The following FADS2 variants were observed in gnomAD, a reference collection of about 807,000 sequenced individuals.
FADS2 encodes fatty acid desaturase 2.
Under a neutral mutation model 61.2 loss-of-function variants are expected in FADS2, and 18 were observed. The observed-to-expected ratio is 0.29, with a 90% confidence interval of 0.20 to 0.44. The LOEUF (loss-of-function observed/expected upper bound fraction) is 0.44, where lower values mean the gene tolerates loss of function less well. Among genes scored for constraint, FADS2 ranks in the 20% least tolerant of loss-of-function variants. The probability of loss-of-function intolerance (pLI) is 1.00; values close to 1 mark genes in which losing one functional copy is unlikely to be tolerated. For missense variants in FADS2, 322 were observed against 572.7 expected (o/e 0.56, Z 4.47); for synonymous variants, 203 against 223.9 (o/e 0.91, Z 0.83).
At chr11:61,856,154 C>G (rs1298189259) in intron 5 of FADS2, 1 of 152,326 alleles carries the variant, frequency 6.6e-6, no homozygotes, top group Non-Finnish European at 1.5e-5. Context: ...CCTGGAAGTG[C>G]AGGGTGGGCT....
At chr11:61,821,420 C>T (rs1368707328) in intron 1 of FADS2, 2 of 701,878 alleles carry the variant, frequency 2.8e-6, no homozygotes, top group South Asian at 1.5e-5. Context: ...TGTAATGAAG[C>T]CATAATTGAA....
At chr11:61,862,614 G>A (rs1048428974) in intron 7 of FADS2, 3 of 293,592 alleles carry the variant, frequency 1.0e-5, no homozygotes, top group Admixed American at 4.7e-5. Flanking sequence ...ACTGGGGGAC[G>A]GTTGGGGACC....
At chr11:61,830,260 C>T (rs574731955) in intron 1 of FADS2, among the ~76,000 whole-genome samples, 5 of 152,292 alleles carry the variant, frequency 3.3e-5, no homozygotes, top group African/African-American at 1.2e-4. Flanking sequence ...CAGGCCCTCA[C>T]CAAAAAGTTT....
intron 5 of FADS2, among the ~76,000 whole-genome samples, chr11:61,851,660 G>A (rs745729238): frequency 2.0e-5 from 3 of 152,206 alleles, no homozygotes; most frequent in Non-Finnish European, 2.9e-5. Flanking sequence ...CAGGTGGGGC[G>A]GCCAGGTCCC....
At chr11:61,849,146 C>T (rs1180884981) in intron 5 of FADS2, among the ~76,000 whole-genome samples, 8 of 152,208 alleles carry the variant, frequency 5.3e-5, no homozygotes, top group South Asian at 4.1e-4. Flanking sequence ...CTGCCTGCCT[C>T]GGCTTCCCAA....
upstream of FADS2, among the ~76,000 whole-genome samples, chr11:61,825,050 G>A (rs554021752): frequency 4.2e-3 from 645 of 151,980 alleles, 2 homozygotes; most frequent in Non-Finnish European, 5.5e-3. Context: ...AATTATCTGG[G>A]CATGGTGCCA....
At chr11:61,859,010 T>C (rs1162873150) in intron 7 of FADS2, among the ~76,000 whole-genome samples, 1 of 152,264 alleles carries the variant, frequency 6.6e-6, no homozygotes, top group Non-Finnish European at 1.5e-5. Flanking sequence ...GGGGAAGTTT[T>C]TCCTCTCTTA....
rs1158083800 is a variant in FADS2, at chr11:61,828,558, C to G, written c.168C>G (p.Gly56=). 1.2e-6 allele frequency: 2 copies of G among 1,613,828 alleles called. No homozygotes were observed. Among genetic ancestry groups the G allele is most frequent in the East Asian group, 2.2e-5 (1 of 44,878 alleles). Residue 56 remains glycine, a synonymous_variant, in exon 1 of 12, where the codon GGC becomes GGG. Coordinates refer to ENST00000278840, the MANE Select transcript of FADS2 (RefSeq NM_004265.4). This position sits in a 1 kb window ranked among gnomAD's most constrained non-coding sequence, Gnocchi z 6.4. ...AATGGTCCATCCAGCACCCGGGGGG[C>G]CAGCGGGTCATCGGGCACTACGCTG... The part of the protein sequence containing the change: ...ITKWSIQHPG[G]QRVIGHYAGE...
At position 61,865,387 on chromosome 11, in the gene FADS2, T is replaced by A. The variant is rs572971280; in HGVS notation, c.1283+110T>A. On this transcript the variant is annotated intron_variant, in intron 11 of 11. Coordinates refer to ENST00000278840, the MANE Select transcript of FADS2 (RefSeq NM_004265.4). The surrounding 1 kb of genome is among the most constrained non-coding windows in gnomAD (Gnocchi z 4.1). ...TGGCACAGTCACCCACCAGGGCACC[T>A]GCCTTACTCCCGAGCCTGTGTTAGG... The A allele has an allele frequency of 1.5e-3, 2,113 of 1,366,018 alleles. 8 individuals carry two copies. Among genetic ancestry groups the A allele is most frequent in the Non-Finnish European group, 2.0e-3 (1,968 of 1,003,602 alleles). 84.6% of individuals were successfully genotyped at this position (1,366,018 alleles called of 1,614,324 possible). A position where few individuals can be genotyped will look rare whatever the true frequency, so the allele number is the denominator to read the frequency against.
chr11:61,852,725 A>G (rs1174298828), intron 5 of FADS2, among the ~76,000 whole-genome samples: 1 of 152,056 alleles, frequency 6.6e-6, no homozygotes, highest in East Asian at 1.9e-4. Context: ...TTTTGTTTGC[A>G]TGGCCTTCCA....
At chr11:61,846,716 T>C (rs2067263250) in intron 4 of FADS2, 1 of 152,156 alleles carries the variant, frequency 6.6e-6, no homozygotes, top group Non-Finnish European at 1.5e-5. Context: ...TCGAGGGCCA[T>C]AACTCTGAGC....
chr11:61,839,170 ACTCACAG>A (rs2067198318), intron 2 of FADS2, among the ~76,000 whole-genome samples: 1 of 150,406 alleles, frequency 6.6e-6, no homozygotes, highest in South Asian at 2.1e-4. Flanking sequence ...TGTGCCCGGG[ACTCACAG>A]CCCCCTCCTG....
At chr11:61,855,374 T>TGCAGGCCCCGAGACTGGCCACC (rs1378863029) in intron 5 of FADS2, 2 of 152,264 alleles carry the variant, frequency 1.3e-5, no homozygotes, top group African/African-American at 2.4e-5. Flanking sequence ...TGTGGGCCAC[T>TGCAGGCCCCGAGACTGGCCACC]GCAGGCCCCG....
chr11:61,820,693 A>C (rs1017689093), intron 1 of FADS2, among the ~76,000 whole-genome samples: 2 of 152,086 alleles, frequency 1.3e-5, no homozygotes, highest in Non-Finnish European at 2.9e-5. Flanking sequence ...TGAGGTCAGG[A>C]GCTCCAGACC....
chr11:61,850,474 C>T (rs1445434951), intron 5 of FADS2, among the ~76,000 whole-genome samples: 2 of 152,128 alleles, frequency 1.3e-5, no homozygotes, highest in African/African-American at 4.8e-5. Flanking sequence ...TGGTCTTGAA[C>T]TCCTGACTTC....
chr11:61,824,753 A>G (rs2067069145), upstream of FADS2, among the ~76,000 whole-genome samples: 1 of 152,112 alleles, frequency 6.6e-6, no homozygotes, highest in African/African-American at 2.4e-5. Flanking sequence ...ACAGTGGCCC[A>G]ATGGTTAGCA....
chr11:61,856,672 TG>T (rs2067362132), intron 5 of FADS2: 1 of 303,488 alleles, frequency 3.3e-6, no homozygotes, highest in Non-Finnish European at 6.1e-6. Flanking sequence ...GTCAGCTTTT[TG>T]GGTTCTGATC....
intron 1 of FADS2, among the ~76,000 whole-genome samples, chr11:61,822,406 C>G (rs1299516275): frequency 6.6e-6 from 1 of 152,200 alleles, no homozygotes; most frequent in East Asian, 1.9e-4. Context: ...AGAATTTACC[C>G]CAGAACTTAT....
At chr11:61,828,297 G>A, upstream of FADS2, 1 of 1,507,148 alleles carries the variant, frequency 6.6e-7, no homozygotes, top group Non-Finnish European at 8.9e-7. The surrounding 1 kb of genome is among the most constrained non-coding windows in gnomAD (Gnocchi z 6.4). Flanking sequence ...AGAGGGCCCG[G>A]GCTGCACACA....
Sources: allele counts gnomAD v4.1 joint callset (sites outside exome capture counted in the v4.1 genomes callset), GRCh38; gene constraint gnomAD v4.1.1; non-coding constraint Gnocchi (gnomAD v3.1); transcripts MANE v1.5; gene names NCBI Gene and HGNC (gene_info 2026-07-23, HGNC 2026-07-21).